The following SH3GLB1 variants were observed in gnomAD, a reference collection of about 807,000 sequenced individuals.
The protein encoded by SH3GLB1 is endophilin-B1.
SH3GLB1 carries 17 observed loss-of-function variants against 42.0 expected under a neutral mutation model. The observed-to-expected ratio is 0.40, with a 90% CI of 0.28 to 0.61. The LOEUF is 0.61. SH3GLB1 is among the 20% of genes least tolerant of loss of function. SH3GLB1 has a pLI of 0.36. For synonymous variants in SH3GLB1, 132 were observed against 146.6 expected, an observed-to-expected ratio of 0.90 and a Z score of 0.72; for missense variants, 355 against 426.3, an observed-to-expected ratio of 0.83 and a Z score of 1.47.
chr1:86,705,574 G>T (rs1653812470), intron 1 of SH3GLB1, among the ~76,000 whole-genome samples: 1 of 152,172 alleles, frequency 6.6e-6, no homozygotes, highest in Non-Finnish European at 1.5e-5. Context: ...GGGTTGGGGG[G>T]TTTTCACTCT....
chr1:86,739,453 G>A (rs530012226), intron 7 of SH3GLB1, among the ~76,000 whole-genome samples: 7 of 152,282 alleles, frequency 4.6e-5, no homozygotes, highest in Non-Finnish European at 5.9e-5. Context: ...ATTGACCATT[G>A]GATTTAGGAA....
chr1:86,719,562 T>A lies in SH3GLB1; in HGVS notation c.270T>A (p.Arg90=), dbSNP rs1654740702. The change falls in exon 3 of 9, where the codon CGT becomes CGA. Residue 90 remains arginine, a synonymous_variant. Coordinates refer to ENST00000370558, the MANE Select transcript of SH3GLB1 (RefSeq NM_016009.5). ...AACTGGATAGAAAAGCTCCAAGTCGTATAAACAACCCAGAACTTTTGGGAC... is the reference window on the plus strand; with the variant it reads ...AACTGGATAGAAAAGCTCCAAGTCGAATAAACAACCCAGAACTTTTGGGAC... ...YEKLDRKAPS[R]INNPELLGQY... is the part of the protein sequence containing the mutation. The A allele has an allele frequency of 6.2e-7, 1 of 1,611,048 alleles. No individual in the cohort carries two copies. The highest frequency in any genetic ancestry group is 1.3e-5 in the African/African-American group (1 of 74,650).
chr1:86,728,402 G>A (rs776816514), intron 5 of SH3GLB1: 1 of 1,541,642 alleles, frequency 6.5e-7, no homozygotes, highest in East Asian at 2.3e-5. Context: ...ATGCACTTAA[G>A]CAACTAAACT....
chr1:86,706,767 ACT>A (rs1439672048), intron 1 of SH3GLB1, among the ~76,000 whole-genome samples: 2 of 152,186 alleles, frequency 1.3e-5, no homozygotes, highest in Non-Finnish European at 2.9e-5. Flanking sequence ...CAGACGTATA[ACT>A]CACACCCCTT....
intron 5 of SH3GLB1, among the ~76,000 whole-genome samples, chr1:86,726,948 C>T (rs1293766342): frequency 2.0e-5 from 3 of 151,846 alleles, no homozygotes; most frequent in African/African-American, 7.2e-5. Flanking sequence ...TTTGACTTCA[C>T]GTCTTTATAA....
chr1:86,713,167 A>G (rs1257491399), intron 1 of SH3GLB1, among the ~76,000 whole-genome samples: 3 of 152,112 alleles, frequency 2.0e-5, no homozygotes, highest in East Asian at 3.9e-4. Context: ...AATTAGAGAT[A>G]GGGTCTTGCT....
chr1:86,729,073 G>A (rs528148449), intron 5 of SH3GLB1, among the ~76,000 whole-genome samples: 1 of 152,172 alleles, frequency 6.6e-6, no homozygotes, highest in Non-Finnish European at 1.5e-5. Context: ...GGTATCCAAT[G>A]TATATGTTGA....
At chr1:86,713,849 T>G (rs1654356124) in intron 1 of SH3GLB1, among the ~76,000 whole-genome samples, 1 of 152,236 alleles carries the variant, frequency 6.6e-6, no homozygotes, top group Non-Finnish European at 1.5e-5. Flanking sequence ...ATATCCTTAT[T>G]ATCAGATTAT....
chr1:86,719,231 CT>C (rs1385798650), intron 2 of SH3GLB1, among the ~76,000 whole-genome samples: 4 of 152,042 alleles, frequency 2.6e-5, no homozygotes, highest in African/African-American at 9.7e-5. Context: ...TTAATCAGTC[CT>C]TTTCTGGAAC....
Position 86,742,219 on chromosome 1 carries a change from A to G in SH3GLB1, c.773A>G (p.Asn258Ser), listed in dbSNP as rs1292256271. ...TTTCTTTTCAACAGTTTTCCATCCA[A>G]TTATCTTAGTAACAACAATCAGACT... Reference protein sequence around the residue: ...LQKQLGSFPSNYLSNNNQTSV... With the variant: ...LQKQLGSFPSSYLSNNNQTSV... The change falls in exon 8 of 9, where the codon AAT (asparagine) becomes AGT (serine). Residue 258 changes from asparagine to serine, a missense_variant. Asn to Ser is a conservative substitution (Grantham distance 46). Coordinates refer to ENST00000370558, the MANE Select transcript of SH3GLB1 (RefSeq NM_016009.5). 7 of 1,613,714 alleles carry G rather than the reference A, an allele frequency of 4.3e-6. No individual in the cohort carries two copies. The highest frequency in any genetic ancestry group is 1.6e-4 in the Middle Eastern group (1 of 6,084).
chr1:86,718,216 T>TG (rs1356100394), intron 2 of SH3GLB1, among the ~76,000 whole-genome samples: 2 of 148,354 alleles, frequency 1.3e-5, no homozygotes, highest in Non-Finnish European at 3.0e-5. Flanking sequence ...ATTTTTGTAT[T>TG]TTTTTTTTTA....
intron 7 of SH3GLB1, 44 bp downstream of exon 7, chr1:86,735,223 T>C (rs1481502466): frequency 7.4e-7 from 1 of 1,352,636 alleles, no homozygotes; most frequent in Non-Finnish European, 1.1e-6. Flanking sequence ...AATTCAGATT[T>C]TTGCTTATGA....
At position 86,744,280 on chromosome 1, in the gene SH3GLB1, T is replaced by C. The variant is rs2101995972; in HGVS notation, c.*1045T>C. On this transcript the variant is annotated 3_prime_UTR_variant, in exon 9 of 9. Coordinates refer to ENST00000370558, the MANE Select transcript of SH3GLB1 (RefSeq NM_016009.5). ...TGTTGGGGCCATTGCTATAAATCAT[T>C]GTTTCCATGTTAAGACTTCTGTTCT... 6.6e-6 allele frequency: 1 copy of C among 152,322 alleles called. No individual in the cohort carries two copies. Among genetic ancestry groups the C allele is most frequent in the South Asian group, 2.1e-4 (1 of 4,830 alleles). The allele number at this position is 152,322 out of a possible 1,614,324, so 9.4% of individuals were successfully genotyped here.
At chr1:86,732,520 T>G (rs1210010960) in intron 5 of SH3GLB1, among the ~76,000 whole-genome samples, 1 of 152,216 alleles carries the variant, frequency 6.6e-6, no homozygotes, top group Non-Finnish European at 1.5e-5. Flanking sequence ...GAAGTATAGA[T>G]GATTTGGGAC....
In SH3GLB1 at chr1:86,742,538, T is replaced by G. The variant is rs17129446; in HGVS notation, c.990+102T>G. ...CCTCATTAGTTATTTGGAAATGGTT[T>G]CATAGATTACAGATAGTTATATTAA... On this transcript the variant is annotated intron_variant, in intron 8 of 8. Coordinates refer to ENST00000370558, the MANE Select transcript of SH3GLB1 (RefSeq NM_016009.5). 3,081 of 754,968 alleles carry G rather than the reference T, an allele frequency of 4.1e-3. 73 individuals carry two copies. The African/African-American group carries it at 0.049, about 12-fold the overall frequency. The allele number at this position is 754,968 out of a possible 1,614,324, so 46.8% of individuals were successfully genotyped here.
chr1:86,733,615 C>CT (rs945444995), intron 5 of SH3GLB1, among the ~76,000 whole-genome samples: 4 of 152,178 alleles, frequency 2.6e-5, no homozygotes, highest in African/African-American at 9.7e-5. Flanking sequence ...TTTTATTTCT[C>CT]TTTCCCACTT....
chr1:86,712,650 A>G (rs916316608), intron 1 of SH3GLB1, among the ~76,000 whole-genome samples: 1 of 152,214 alleles, frequency 6.6e-6, no homozygotes, highest in African/African-American at 2.4e-5. Flanking sequence ...AATGTGAAAC[A>G]TAGAAACATT....
chr1:86,731,633 C>T (rs892541172), intron 5 of SH3GLB1, among the ~76,000 whole-genome samples: 4 of 152,080 alleles, frequency 2.6e-5, no homozygotes, highest in Non-Finnish European at 4.4e-5. Flanking sequence ...TTTGCAGTCT[C>T]AGCAAGTTTA....
At chr1:86,724,892 A>AAAATATATATATATATAT (rs1291454820) in intron 5 of SH3GLB1, among the ~76,000 whole-genome samples, 10 of 99,674 alleles carry the variant, frequency 1.0e-4, no homozygotes, top group Non-Finnish European at 1.7e-4. Context: ...AAAAAAAAAA[A>AAAATATATATATATATAT]ATATATATAT....
Sources: allele counts gnomAD v4.1 joint callset (sites outside exome capture counted in the v4.1 genomes callset), GRCh38; gene constraint gnomAD v4.1.1; transcripts MANE v1.5; gene names NCBI Gene and HGNC (gene_info 2026-07-23, HGNC 2026-07-21).